Variants in PIK3C3 observed in about 807,000 individuals in gnomAD.
PIK3C3 encodes PI3-kinase type 3.
Under a neutral mutation model 126.1 loss-of-function variants are expected in PIK3C3, and 95 were observed. The ratio of observed to expected loss-of-function variants is 0.75; its 90% CI spans 0.64 to 0.89. The LOEUF (loss-of-function observed/expected upper bound fraction) is 0.89, where lower values mean the gene tolerates loss of function less well. Ranked by LOEUF, PIK3C3 falls within the 40% of genes least tolerant of loss-of-function variation. PIK3C3 has a pLI of 0.00. For synonymous variants in PIK3C3, 374 were observed against 360.0 expected (o/e 1.04, Z -0.44); for missense variants, 829 against 1,063.2 (o/e 0.78, Z 3.06).
At chr18:42,022,190 G>A (rs1203278137) in intron 13 of PIK3C3, among the ~76,000 whole-genome samples, 2 of 152,104 alleles carry the variant, frequency 1.3e-5, no homozygotes, top group Non-Finnish European at 2.9e-5. Flanking sequence ...TGCACAACGT[G>A]CAGGTTTGTT....
intron 4 of PIK3C3, among the ~76,000 whole-genome samples, chr18:41,978,209 C>T (rs1190023748): frequency 6.6e-6 from 1 of 152,184 alleles, no homozygotes; most frequent in Non-Finnish European, 1.5e-5. Flanking sequence ...CCTGCCTCAG[C>T]CTCCCAAACT....
intron 12 of PIK3C3, among the ~76,000 whole-genome samples, chr18:42,016,917 C>T (rs1478460031): frequency 6.6e-6 from 1 of 151,976 alleles, no homozygotes; most frequent in Non-Finnish European, 1.5e-5. Context: ...AAACGATGTT[C>T]AGAATATTGA....
At chr18:42,044,511 C>T (rs957050707) in intron 20 of PIK3C3, among the ~76,000 whole-genome samples, 1 of 151,988 alleles carries the variant, frequency 6.6e-6, no homozygotes, top group East Asian at 1.9e-4. Flanking sequence ...CTCCCAGGCT[C>T]AGGTGATTCT....
At chr18:41,966,199 T>TTTTG (rs1980357060) in intron 3 of PIK3C3, among the ~76,000 whole-genome samples, 1 of 137,040 alleles carries the variant, frequency 7.3e-6, no homozygotes, top group Non-Finnish European at 1.6e-5. Flanking sequence ...TTTTTTTTTT[T>TTTTG]TGAGATGGAT....
chr18:42,080,527 A>G (rs1316379693), intron 24 of PIK3C3, among the ~76,000 whole-genome samples: 1 of 152,226 alleles, frequency 6.6e-6, no homozygotes, highest in Non-Finnish European at 1.5e-5. Flanking sequence ...AAAGGGCACG[A>G]GTTATGGATG....
In PIK3C3 at chr18:42,020,725, T is replaced by A; in HGVS notation, c.1484+20T>A. ...ATACTGGTATGTAAAAATAATTTTC[T>A]GTTTATTTTCTTATTACCCTTAAGA... On this transcript the variant is annotated intron_variant, in intron 13 of 24. Transcript: ENST00000262039. 1 of 1,427,102 alleles carries A rather than the reference T, an allele frequency of 7.0e-7. No individual in the cohort carries two copies. The highest frequency in any genetic ancestry group is 9.8e-7 in the Non-Finnish European group (1 of 1,022,182). 88.4% of individuals were successfully genotyped at this position (1,427,102 alleles called of 1,614,324 possible).
chr18:42,057,455 C>T (rs149503796), intron 21 of PIK3C3, among the ~76,000 whole-genome samples: 45 of 152,020 alleles, frequency 3.0e-4, no homozygotes, highest in African/African-American at 9.9e-4. Flanking sequence ...AATAAGTTAG[C>T]AGAAGGATTC....
chr18:41,999,020 C>T (rs1434946936), intron 9 of PIK3C3, among the ~76,000 whole-genome samples: 1 of 152,096 alleles, frequency 6.6e-6, no homozygotes, highest in African/African-American at 2.4e-5. Flanking sequence ...TTGGTTCTCA[C>T]AAAGTCACAC....
In PIK3C3 at chr18:42,034,025, C is replaced by T. The variant is rs370654008; in HGVS notation, c.1839+68C>T. Reference sequence around the variant, plus strand: ...TCTTAAGCTAGATCAGAGATACTACCTTGGAAAACTATTACATTGCAGAGA... The same window carrying T: ...TCTTAAGCTAGATCAGAGATACTACTTTGGAAAACTATTACATTGCAGAGA... On this transcript the variant is annotated intron_variant, in intron 16 of 24. Transcript: ENST00000262039. 5.4e-4 allele frequency: 590 copies of T among 1,089,126 alleles called. 3 individuals are homozygous for T. The African/African-American group carries it at 7.7e-3, about 14-fold the overall frequency. 67.5% of individuals were successfully genotyped at this position (1,089,126 alleles called of 1,614,324 possible).
At chr18:42,012,737 A>T (rs1022776195) in intron 10 of PIK3C3, among the ~76,000 whole-genome samples, 1 of 152,176 alleles carries the variant, frequency 6.6e-6, no homozygotes, top group Non-Finnish European at 1.5e-5. Flanking sequence ...ACACCTTTTT[A>T]GTCCAAGTTA....
chr18:41,989,456 T>A (rs1368995273), intron 5 of PIK3C3, among the ~76,000 whole-genome samples: 5 of 152,186 alleles, frequency 3.3e-5, no homozygotes, highest in Admixed American at 3.3e-4. Flanking sequence ...CACTTTATCA[T>A]CACCTTAGTA....
At chr18:42,080,218 T>A (rs1333303353) in intron 24 of PIK3C3, among the ~76,000 whole-genome samples, 2 of 152,158 alleles carry the variant, frequency 1.3e-5, no homozygotes, top group Non-Finnish European at 2.9e-5. Context: ...AATATTTAAA[T>A]TGCTTCTTAA....
chr18:41,959,546 G>C (rs1406903128), intron 2 of PIK3C3, among the ~76,000 whole-genome samples: 1 of 151,996 alleles, frequency 6.6e-6, no homozygotes, highest in Non-Finnish European at 1.5e-5. Context: ...CACGAGAATA[G>C]GCTTTTTAAA....
chr18:41,962,357 A>G (rs1980131721), intron 2 of PIK3C3, 132 bp from the exon 3 acceptor site: 3 of 563,270 alleles, frequency 5.3e-6, no homozygotes, highest in Non-Finnish European at 8.5e-6. Flanking sequence ...GGTGACTGCC[A>G]TATTATTTTT....
At chr18:42,055,505 T>G (rs1985023830) in intron 21 of PIK3C3, among the ~76,000 whole-genome samples, 1 of 152,012 alleles carries the variant, frequency 6.6e-6, no homozygotes, top group African/African-American at 2.4e-5. Context: ...CTAGGTTTAG[T>G]GATAGGGCAG....
intron 3 of PIK3C3, among the ~76,000 whole-genome samples, chr18:41,966,413 G>A (rs554129017): frequency 3.3e-5 from 5 of 151,818 alleles, no homozygotes; most frequent in Non-Finnish European, 7.4e-5. Context: ...CAGCTGATCC[G>A]CCTGCCTCGC....
chr18:42,002,038 A>T (rs1168187016), intron 9 of PIK3C3, among the ~76,000 whole-genome samples: 3 of 152,168 alleles, frequency 2.0e-5, no homozygotes, highest in African/African-American at 4.8e-5. Context: ...GGGAATGCAG[A>T]CTCCAGTTAT....
intron 24 of PIK3C3, among the ~76,000 whole-genome samples, chr18:42,076,141 TATGCGC>T (rs1252589875): frequency 2.1e-4 from 15 of 71,012 alleles, no homozygotes; most frequent in African/African-American, 7.2e-4. Context: ...TATATATATA[TATGCGC>T]ATATATATAT....
chr18:42,078,025 A>G (rs1986092691), intron 24 of PIK3C3, among the ~76,000 whole-genome samples: 1 of 152,126 alleles, frequency 6.6e-6, no homozygotes, highest in Non-Finnish European at 1.5e-5. Flanking sequence ...TACATTGTCA[A>G]TGAACAATAT....
Sources: allele counts gnomAD v4.1 joint callset (sites outside exome capture counted in the v4.1 genomes callset), GRCh38; gene constraint gnomAD v4.1.1; transcripts MANE v1.5; gene names NCBI Gene and HGNC (gene_info 2026-07-23, HGNC 2026-07-21).